The following PCOLCE2 variants were observed in gnomAD, a reference collection of about 807,000 sequenced individuals.
PCOLCE2 encodes the protein procollagen C-proteinase enhancer 2.
Under a neutral mutation model 47.0 loss-of-function variants are expected in PCOLCE2, and 42 were observed. The observed-to-expected ratio is 0.89, with a 90% CI of 0.70 to 1.16. The LOEUF (loss-of-function observed/expected upper bound fraction) is 1.16. PCOLCE2 is among the 50% of genes most tolerant of loss of function. PCOLCE2 has a pLI of 0.00. For synonymous variants in PCOLCE2, 169 were observed against 191.7 expected (o/e 0.88, Z 0.98); for missense variants, 500 against 526.1 (o/e 0.95, Z 0.49).
chr3:142,876,337 A>G (rs1933497967), intron 2 of PCOLCE2, among the ~76,000 whole-genome samples: 1 of 151,786 alleles, frequency 6.6e-6, no homozygotes, highest in African/African-American at 2.4e-5. Context: ...CAGTAATTTC[A>G]GTCCCAAAGC....
chr3:142,827,702 G>A (rs1319425675), intron 6 of PCOLCE2: 11 of 1,066,944 alleles, frequency 1.0e-5, no homozygotes, highest in African/African-American at 1.6e-5. Context: ...GGGGAGGGGC[G>A]CGCTGTGACC....
At chr3:142,870,135 G>A (rs1025139003) in intron 2 of PCOLCE2, among the ~76,000 whole-genome samples, 2 of 152,174 alleles carry the variant, frequency 1.3e-5, no homozygotes, top group Admixed American at 1.3e-4. Flanking sequence ...GTCTCTATAA[G>A]TTAGAAGATC....
At chr3:142,862,211 C>A (rs1387723055) in intron 2 of PCOLCE2, among the ~76,000 whole-genome samples, 1 of 152,148 alleles carries the variant, frequency 6.6e-6, no homozygotes, top group East Asian at 1.9e-4. Flanking sequence ...CTTACAGAGG[C>A]CTTCAAACAG....
chr3:142,830,956 G>A (rs576876217), intron 5 of PCOLCE2, among the ~76,000 whole-genome samples: 4 of 152,294 alleles, frequency 2.6e-5, no homozygotes, highest in African/African-American at 4.8e-5. Context: ...GTGCTGAGTG[G>A]GGTTGGGTGG....
At chr3:142,827,246 T>A in intron 6 of PCOLCE2, 2 of 1,217,024 alleles carry the variant, frequency 1.6e-6, no homozygotes, top group Admixed American at 3.5e-5. Flanking sequence ...AAAAGGATGC[T>A]CCATAGGGTT....
Position 142,883,353 on chromosome 3 carries a change from C to T in PCOLCE2, c.192+4316G>A, listed in dbSNP as rs555185943. 1.7e-3 allele frequency among the ~76,000 whole-genome samples: 255 copies of T among 152,224 alleles called. 2 individuals are homozygous for T. The highest frequency in any genetic ancestry group is 2.9e-3 in the Non-Finnish European group (195 of 68,016). ...AGCTGGTTTCACTCAGCCACCCATA[C>T]CATATGCAGCCAAAGTCAAACTCTA... On this transcript the variant is annotated intron_variant, in intron 2 of 8. Transcript: ENST00000295992.
At chr3:142,870,706 ATT>A (rs200280430) in intron 2 of PCOLCE2, among the ~76,000 whole-genome samples, 44 of 135,312 alleles carry the variant, frequency 3.3e-4, no homozygotes, top group Admixed American at 6.7e-4. Flanking sequence ...GAATGAGGCA[ATT>A]TTTTTTTTTT....
chr3:142,829,707 A>G lies in PCOLCE2; in HGVS notation c.850T>C (p.Phe284Leu). 1 of 1,591,854 alleles carries G rather than the reference A, an allele frequency of 6.3e-7. No individual in the cohort carries two copies. The highest frequency in any genetic ancestry group is 1.2e-5 in the South Asian group (1 of 85,382). Residue 284 changes from phenylalanine to leucine, a missense_variant, in exon 6 of 9, where the codon TTC becomes CTC. Physicochemically the swap from Phe to Leu is conservative, Grantham distance 22. Coordinates refer to ENST00000295992, the MANE Select transcript of PCOLCE2 (RefSeq NM_013363.4). The part of the protein sequence containing the change: ...TTTEQPVTTT[F>L]PVTTGLKPTV... ...GAAAACTTACCCGTGGTTACAGGGA[A>G]TGTGGTGGTGACAGGCTGTTCTGTA...
chr3:142,825,541 C>T (rs1253537216), intron 6 of PCOLCE2, among the ~76,000 whole-genome samples: 1 of 152,130 alleles, frequency 6.6e-6, no homozygotes, highest in Non-Finnish European at 1.5e-5. Flanking sequence ...TGTCTTCATG[C>T]TATGGCTGTT....
intron 2 of PCOLCE2, among the ~76,000 whole-genome samples, chr3:142,850,283 AAGTCCT>A (rs1406362683): frequency 1.3e-5 from 2 of 152,190 alleles, no homozygotes; most frequent in Non-Finnish European, 2.9e-5. Flanking sequence ...ATCACCGAAA[AAGTCCT>A]AGCCATGAAA....
chr3:142,847,721 G>T (rs1271930112), intron 3 of PCOLCE2, among the ~76,000 whole-genome samples: 2 of 151,712 alleles, frequency 1.3e-5, no homozygotes, highest in East Asian at 3.9e-4. Flanking sequence ...ATTTTTTGTA[G>T]AGATGGGGTT....
intron 2 of PCOLCE2, among the ~76,000 whole-genome samples, chr3:142,856,560 C>T (rs1476722711): frequency 6.6e-6 from 1 of 152,104 alleles, no homozygotes; most frequent in East Asian, 1.9e-4. Flanking sequence ...TGAAGTCTGC[C>T]AAGTGGAAAG....
intron 2 of PCOLCE2, among the ~76,000 whole-genome samples, chr3:142,880,700 G>A (rs1044875118): frequency 2.0e-5 from 3 of 152,208 alleles, no homozygotes; most frequent in Non-Finnish European, 2.9e-5. Flanking sequence ...TAAGTATGAT[G>A]ACTTTAACAT....
intron 3 of PCOLCE2, among the ~76,000 whole-genome samples, chr3:142,845,702 G>A (rs542868011): frequency 2.0e-5 from 3 of 152,242 alleles, no homozygotes; most frequent in African/African-American, 7.2e-5. Flanking sequence ...GGCCAGGGGC[G>A]GTGGCTCACA....
intron 3 of PCOLCE2, 138 bp from the exon 4 acceptor site, chr3:142,843,186 C>T (rs2108194659): frequency 2.4e-6 from 2 of 816,588 alleles, no homozygotes; most frequent in Non-Finnish European, 4.2e-6. Context: ...TACATTTTCT[C>T]TTAAACATAT....
intron 6 of PCOLCE2, among the ~76,000 whole-genome samples, chr3:142,824,988 G>A (rs1208431082): frequency 6.6e-6 from 1 of 152,074 alleles, no homozygotes; most frequent in Non-Finnish European, 1.5e-5. Context: ...GAAGCAGATG[G>A]CAATATTAAA....
intron 2 of PCOLCE2, among the ~76,000 whole-genome samples, chr3:142,855,156 C>A (rs933772518): frequency 4.6e-5 from 7 of 152,174 alleles, no homozygotes; most frequent in African/African-American, 1.7e-4. Context: ...ATCCTGAGCA[C>A]CCCTGGTCAC....
At chr3:142,871,865 TATAC>T (rs1933395456) in intron 2 of PCOLCE2, among the ~76,000 whole-genome samples, 1 of 152,212 alleles carries the variant, frequency 6.6e-6, no homozygotes, top group South Asian at 2.1e-4. Context: ...TTTATATACA[TATAC>T]ATAAACATTT....
At chr3:142,855,057 G>C (rs1257521956) in intron 2 of PCOLCE2, among the ~76,000 whole-genome samples, 1 of 152,160 alleles carries the variant, frequency 6.6e-6, no homozygotes, top group African/African-American at 2.4e-5. Context: ...CTGGTCCTCT[G>C]CCTGGCACAG....
Sources: allele counts gnomAD v4.1 joint callset (sites outside exome capture counted in the v4.1 genomes callset), GRCh38; gene constraint gnomAD v4.1.1; transcripts MANE v1.5; gene names NCBI Gene and HGNC (gene_info 2026-07-23, HGNC 2026-07-21).